The following PTPRZ1 variants were observed in gnomAD, a reference collection of about 807,000 sequenced individuals.
The protein encoded by PTPRZ1 is protein tyrosine phosphatase receptor type Z1.
Under a neutral mutation model 214.1 loss-of-function variants are expected in PTPRZ1, and 82 were observed. The ratio of observed to expected loss-of-function variants is 0.38; its 90% CI spans 0.32 to 0.46. PTPRZ1 has a LOEUF of 0.46. Among genes scored for constraint, PTPRZ1 ranks in the 20% least tolerant of loss-of-function variants. The pLI is 1.00. For synonymous variants in PTPRZ1, 945 were observed against 987.9 expected (o/e 0.96, Z 0.81); for missense variants, 2,603 against 2,748.7 (o/e 0.95, Z 1.19).
At chr7:121,874,164 A>C (rs1793979681) in intron 1 of PTPRZ1, among the ~76,000 whole-genome samples, 1 of 147,882 alleles carries the variant, frequency 6.8e-6, no homozygotes, top group South Asian at 2.1e-4. Flanking sequence ...ATTACTTACA[A>C]AAAAAAAAGT....
rs112697760 is a variant in PTPRZ1, at chr7:122,012,667, A to G, written c.3621A>G (p.Ile1207Met). ...TTCCAGCTGTGCCCAGTGATCCAATATTGGTTGAAACCCCCAAAGTTGATA... is the reference window on the plus strand; with the variant it reads ...TTCCAGCTGTGCCCAGTGATCCAATGTTGGTTGAAACCCCCAAAGTTGATA... ...TVLPAVPSDP[I>M]LVETPKVDKI... The change falls in exon 12 of 30, where the codon ATA (isoleucine) becomes ATG (methionine). Residue 1207 changes from isoleucine to methionine, a missense_variant. Ile to Met is a conservative substitution (Grantham distance 10). This residue lies in a region of PTPRZ1 where 1,913 missense variants were observed against 1,914.3 expected (regional missense o/e 1.00). Transcript: ENST00000393386. 4 of 1,613,118 alleles carry G rather than the reference A, an allele frequency of 2.5e-6. No individual in the cohort carries two copies. Among genetic ancestry groups the G allele is most frequent in the Non-Finnish European group, 1.7e-6 (2 of 1,179,204 alleles).
At chr7:121,994,689 C>A (rs559397987) in intron 8 of PTPRZ1, among the ~76,000 whole-genome samples, 1 of 152,236 alleles carries the variant, frequency 6.6e-6, no homozygotes, top group South Asian at 2.1e-4. Flanking sequence ...GAGCTTGTTG[C>A]TCCAATGATA....
At chr7:122,034,136 AT>A in intron 16 of PTPRZ1, 21 bp downstream of exon 16, 1 of 1,589,366 alleles carries the variant, frequency 6.3e-7, no homozygotes, top group Non-Finnish European at 8.6e-7. Context: ...ATTTCACTGC[AT>A]TTTCTTTTAG....
At chr7:121,883,345 C>T (rs985613707) in intron 1 of PTPRZ1, among the ~76,000 whole-genome samples, 2 of 152,018 alleles carry the variant, frequency 1.3e-5, no homozygotes, top group African/African-American at 4.8e-5. Flanking sequence ...TTATCAAATG[C>T]CAATATGAAA....
At position 121,968,102 on chromosome 7, in the gene PTPRZ1, C is replaced by T; in HGVS notation, c.276C>T (p.Asn92=). 1.2e-6 allele frequency: 2 copies of T among 1,602,756 alleles called. No individual in the cohort carries two copies. The highest frequency in any genetic ancestry group is 1.7e-6 in the Non-Finnish European group (2 of 1,176,276). ...GTTGGGATAAAACATCATTGGAAAA[C>T]ACATTCATTCATAACACTGGGAAAA... is the stretch of plus-strand genomic sequence containing the variant. ...FQGWDKTSLE[N]TFIHNTGKTV... The change falls in exon 3 of 30, where the codon AAC becomes AAT. Residue 92 remains asparagine (N), a synonymous_variant. Transcript: ENST00000393386.
intron 23 of PTPRZ1, among the ~76,000 whole-genome samples, chr7:122,045,080 A>G (rs1584773805): frequency 6.6e-6 from 1 of 152,114 alleles, no homozygotes; most frequent in African/African-American, 2.4e-5. Context: ...CAGAGACAAG[A>G]GCATGTTTTG....
At chr7:122,016,720 T>G (rs1798853081) in intron 12 of PTPRZ1, among the ~76,000 whole-genome samples, 1 of 151,728 alleles carries the variant, frequency 6.6e-6, no homozygotes, top group Non-Finnish European at 1.5e-5. Context: ...ATAGGACATA[T>G]CTCATATATA....
chr7:122,036,403 G>A (rs1799536037), intron 17 of PTPRZ1, among the ~76,000 whole-genome samples, 197 bp from the exon 18 acceptor site: 1 of 152,120 alleles, frequency 6.6e-6, no homozygotes, highest in Non-Finnish European at 1.5e-5. Flanking sequence ...CCTTAGAAAT[G>A]TTCCTGAGGG....
In PTPRZ1 at chr7:121,995,409, A is replaced by G. The variant is rs896712791; in HGVS notation, c.929-973A>G. Among the ~76,000 whole-genome samples, 5 of 152,122 alleles carry G rather than the reference A, an allele frequency of 3.3e-5. 1 individual carries two copies. The highest frequency in any genetic ancestry group is 4.4e-5 in the Non-Finnish European group (3 of 68,020). ...CTTTGCAAATCTGGCCCATGAAGAG[A>G]TATTTATTACTCTGCTTCGTTAGTA... On this transcript the variant is annotated intron_variant, in intron 8 of 29. Transcript: ENST00000393386.
At chr7:121,917,158 C>T (rs1795451526) in intron 1 of PTPRZ1, among the ~76,000 whole-genome samples, 1 of 152,146 alleles carries the variant, frequency 6.6e-6, no homozygotes, top group Non-Finnish European at 1.5e-5. Context: ...ATTATCACTT[C>T]ATAGTCTACT....
chr7:121,996,396 C>G lies in PTPRZ1; in HGVS notation c.943C>G (p.Pro315Ala), dbSNP rs202215379. 9.4e-5 allele frequency: 150 copies of G among 1,602,966 alleles called. No individual in the cohort carries two copies. The highest frequency in any genetic ancestry group is 2.8e-5 in the Non-Finnish European group (33 of 1,174,136). ...EIHEAVCSSE[P>A]ENVQADPENY... ...TCTCTCTGAAGTTTGTAGTTCAGAA[C>G]CAGAAAATGTTCAGGCTGACCCAGA... Residue 315 changes from proline to alanine, a missense_variant, in exon 9 of 30, where the codon CCA becomes GCA. Physicochemically the swap from Pro to Ala is conservative, Grantham distance 27 (BLOSUM62 -1). Coordinates refer to ENST00000393386, the MANE Select transcript of PTPRZ1 (RefSeq NM_002851.3).
chr7:122,058,896 A>G lies in PTPRZ1; in HGVS notation c.6625A>G (p.Lys2209Glu). ...AACTTTTGAACTTATAAGTGTTATA[A>G]AAGAAGAAGCTGCCAATAGGGATGG... is the stretch of plus-strand genomic sequence containing the variant. ...SKTFELISVI[K>E]EEAANRDGPM... The change falls in exon 28 of 30, where the codon AAA becomes GAA. Residue 2209 changes from lysine (K) to glutamate (E), a missense_variant. By Grantham distance (56) the Lys-to-Glu change is moderately conservative (BLOSUM62 1). This residue lies in a region of PTPRZ1 where 165 missense variants were observed against 151.4 expected (regional missense o/e 1.09). Transcript: ENST00000393386. The G allele has an allele frequency of 6.3e-7, 1 of 1,594,496 alleles. No individual in the cohort carries two copies. The highest frequency in any genetic ancestry group is 8.6e-7 in the Non-Finnish European group (1 of 1,162,398).
chr7:121,959,886 A>G (rs1196493), intron 2 of PTPRZ1, among the ~76,000 whole-genome samples: 88,007 of 152,056 alleles, frequency 0.58, 25,928 homozygotes, highest in African/African-American at 0.67. Context: ...AGCAAGCCCA[A>G]GGTAATTTAT....
chr7:121,922,512 T>C (rs1278635350), intron 1 of PTPRZ1, among the ~76,000 whole-genome samples: 1 of 152,050 alleles, frequency 6.6e-6, no homozygotes, highest in Non-Finnish European at 1.5e-5. Context: ...GGTGCAGAGG[T>C]TGCAGTAAGC....
intron 1 of PTPRZ1, among the ~76,000 whole-genome samples, chr7:121,889,360 T>C (rs578155888): frequency 1.3e-5 from 2 of 152,290 alleles, no homozygotes; most frequent in African/African-American, 4.8e-5. Context: ...GTACCATAAA[T>C]TACTTTGGAA....
intron 1 of PTPRZ1, among the ~76,000 whole-genome samples, chr7:121,925,971 C>T (rs1795743535): frequency 6.6e-6 from 1 of 151,910 alleles, no homozygotes; most frequent in Admixed American, 6.6e-5. Flanking sequence ...ATAAAGTTAC[C>T]AAGTGGCTAC....
In PTPRZ1 at chr7:122,012,145, G is replaced by C. The variant is rs1798688168; in HGVS notation, c.3099G>C (p.Val1033=). The change falls in exon 12 of 30, where the codon GTG becomes GTC. Residue 1033 remains valine, a synonymous_variant. Transcript: ENST00000393386. ...SVAEFTYTTS[V]FGDDNKALSK... is the part of the protein sequence containing the mutation. ...CTGAATTTACATATACAACATCTGT[G>C]TTTGGTGATGATAATAAGGCGCTTT... The C allele has an allele frequency of 1.2e-6, 2 of 1,613,916 alleles. No homozygotes were observed. The highest frequency in any genetic ancestry group is 8.5e-7 in the Non-Finnish European group (1 of 1,179,826).
rs1187378703 is a variant in PTPRZ1 at position 121,988,262 on chromosome 7, C to G, written c.928+4145C>G. 3.3e-5 allele frequency among the ~76,000 whole-genome samples: 5 copies of G among 152,082 alleles called. No individual in the cohort carries two copies. In the East Asian group the frequency reaches 9.6e-4, roughly 29 times the overall value. ...CTTCTAGGGGGGATCAGAGATGATA[C>G]AGAACTTTTTTTTTCTGGTTACATA... is the stretch of plus-strand genomic sequence containing the variant. On this transcript the variant is annotated intron_variant, in intron 8 of 29. Transcript: ENST00000393386.
chr7:121,911,014 A>G (rs2116308351), intron 1 of PTPRZ1, among the ~76,000 whole-genome samples: 1 of 152,182 alleles, frequency 6.6e-6, no homozygotes, highest in East Asian at 1.9e-4. Context: ...ATGATACAAT[A>G]ACTTAGCTAA....
Sources: gnomAD v4.1 joint callset for allele counts (sites outside exome capture counted in the v4.1 genomes callset) on GRCh38, gnomAD v4.1.1 for gene constraint, gnomAD v4.1.1 regional missense constraint, MANE v1.5 for transcripts, NCBI Gene and HGNC (gene_info 2026-07-23, HGNC 2026-07-21) for gene names.